The following PLCH1 variants were observed in gnomAD, a reference collection of about 807,000 sequenced individuals.
PLCH1 encodes phospholipase C eta 1, also known as 1-phosphatidylinositol 4,5-bisphosphate phosphodiesterase eta-1.
PLCH1 carries 60 observed loss-of-function variants against 126.7 expected under a neutral mutation model. That is an observed-to-expected ratio of 0.47 (90% CI 0.38 to 0.59). The LOEUF is 0.59. PLCH1 is among the 20% of genes least tolerant of loss of function. The probability of loss-of-function intolerance (pLI) is 0.00; values close to 1 mark genes in which losing one functional copy is unlikely to be tolerated. For missense variants in PLCH1, 1,723 were observed against 2,040.0 expected (o/e 0.84, Z 2.99); for synonymous variants, 719 against 734.9 (o/e 0.98, Z 0.35).
intron 2 of PLCH1, among the ~76,000 whole-genome samples, chr3:155,683,318 G>A (rs1744680394): frequency 6.6e-6 from 1 of 152,044 alleles, no homozygotes; most frequent in Non-Finnish European, 1.5e-5. Context: ...AATTTTATAG[G>A]TTAGCATAAA....
chr3:155,551,991 A>G (rs1161835910), intron 9 of PLCH1, among the ~76,000 whole-genome samples: 6 of 152,160 alleles, frequency 3.9e-5, no homozygotes. Context: ...TTTGGCTAGG[A>G]CCTGTAGAAA....
intron 6 of PLCH1, among the ~76,000 whole-genome samples, chr3:155,582,067 T>TTTTC (rs1730771498): frequency 1.4e-5 from 2 of 139,056 alleles, no homozygotes; most frequent in East Asian, 2.1e-4. Context: ...TTTCTTTTTC[T>TTTTC]TTTCTTTCTT....
chr3:155,598,333 G>A (rs1733255839), intron 2 of PLCH1, among the ~76,000 whole-genome samples: 1 of 152,176 alleles, frequency 6.6e-6, no homozygotes, highest in African/African-American at 2.4e-5. Flanking sequence ...CTACATAGTT[G>A]AATTCTTGAC....
intron 10 of PLCH1, among the ~76,000 whole-genome samples, chr3:155,528,151 G>A (rs999582159): frequency 1.1e-4 from 17 of 151,006 alleles, no homozygotes; most frequent in African/African-American, 3.9e-4. Context: ...TTGAACCCAG[G>A]AGGCGGAGGT....
At chr3:155,731,240 A>G (rs9850228) in intron 1 of PLCH1, among the ~76,000 whole-genome samples, 11,870 of 152,176 alleles carry the variant, frequency 0.078, 499 homozygotes, top group South Asian at 0.15. Context: ...ATCCCGTTGG[A>G]CCTAGGTACC....
At position 155,537,356 on chromosome 3, in the gene PLCH1, C is replaced by CA. The variant is rs544010694; in HGVS notation, c.1362+12430dup. Among the ~76,000 whole-genome samples the CA allele has an allele frequency of 3.9e-3, 587 of 150,596 alleles. 2 individuals are homozygous for CA. The highest frequency in any genetic ancestry group is 0.013 in the African/African-American group (552 of 41,018). ...ATGAAGAAAAAAAAAAGTATTCAGG[C>CA]AAAAAAAACTAGCAAAATGAATCTA... On this transcript the variant is annotated intron_variant, in intron 10 of 22. Transcript: ENST00000460012.
chr3:155,498,041 T>C (rs1358291642), intron 14 of PLCH1, among the ~76,000 whole-genome samples: 1 of 152,202 alleles, frequency 6.6e-6, no homozygotes, highest in Non-Finnish European at 1.5e-5. Flanking sequence ...ATGCCATTCT[T>C]AGTAGCATGA....
chr3:155,497,654 C>T (rs976688368), intron 14 of PLCH1, among the ~76,000 whole-genome samples: 6 of 152,116 alleles, frequency 3.9e-5, no homozygotes, highest in Non-Finnish European at 7.4e-5. Flanking sequence ...GTTTCATTTG[C>T]CCATAGTTAA....
At chr3:155,592,327 C>CAAAAA (rs11426252) in intron 4 of PLCH1, among the ~76,000 whole-genome samples, 1 of 122,798 alleles carries the variant, frequency 8.1e-6, no homozygotes, top group Non-Finnish European at 1.7e-5. Context: ...ACTAAAAATA[C>CAAAAA]AAAAAAAAAA....
At chr3:155,479,825 G>A (rs115973142), downstream of PLCH1, 1 of 152,016 alleles carries the variant, frequency 6.6e-6, no homozygotes, top group African/African-American at 2.4e-5. Flanking sequence ...AGAGTGCTGA[G>A]TGCTTTAACT....
intron 2 of PLCH1, among the ~76,000 whole-genome samples, chr3:155,641,143 C>T (rs1198351437): frequency 6.6e-6 from 1 of 151,570 alleles, no homozygotes; most frequent in African/African-American, 2.4e-5. Context: ...TACTTGAGCC[C>T]TATAGCCTCC....
chr3:155,574,831 G>C (rs926130281), intron 6 of PLCH1, among the ~76,000 whole-genome samples: 3 of 152,058 alleles, frequency 2.0e-5, no homozygotes, highest in African/African-American at 7.2e-5. Context: ...CTTTAATTGT[G>C]AATAATTAAG....
At position 155,727,149 on chromosome 3, in the gene PLCH1, A is replaced by G. The variant is rs558814702; in HGVS notation, c.-41+17691T>C. ...TTGGTTATTTTTTAAATGAGCTTGG[A>G]AAAATAAAAATAAAAAAATAAAATG... On this transcript the variant is annotated intron_variant, in intron 1 of 22. Coordinates refer to ENST00000460012, the MANE Select transcript of PLCH1 (RefSeq NM_014996.4). Among the ~76,000 whole-genome samples the G allele has an allele frequency of 5.4e-3, 821 of 151,822 alleles. 11 individuals are homozygous for G. The highest frequency in any genetic ancestry group is 0.019 in the African/African-American group (794 of 41,482).
At chr3:155,605,551 A>G (rs1213283465) in intron 2 of PLCH1, among the ~76,000 whole-genome samples, 1 of 152,216 alleles carries the variant, frequency 6.6e-6, no homozygotes, top group African/African-American at 2.4e-5. Context: ...GATGCATTAT[A>G]ATGTCATCAT....
At chr3:155,464,578 TAAAAA>T (rs57554411) in intron 21 of PLCH1, among the ~76,000 whole-genome samples, 2 of 149,608 alleles carry the variant, frequency 1.3e-5, no homozygotes, top group African/African-American at 2.4e-5. Context: ...GCAGTTCTAT[TAAAAA>T]AAAAATCAGG....
chr3:155,572,448 T>C (rs1423829081), intron 6 of PLCH1, among the ~76,000 whole-genome samples: 1 of 152,176 alleles, frequency 6.6e-6, no homozygotes, highest in East Asian at 1.9e-4. Flanking sequence ...TAGTTTTCTC[T>C]TTTTACAAGC....
At chr3:155,626,260 C>T (rs114663193) in intron 2 of PLCH1, among the ~76,000 whole-genome samples, 374 of 152,104 alleles carry the variant, frequency 2.5e-3, no homozygotes, top group African/African-American at 8.7e-3. Flanking sequence ...CCTCAGAAGC[C>T]CCCAATGTCA....
intron 1 of PLCH1, among the ~76,000 whole-genome samples, chr3:155,741,163 T>C (rs941092518): frequency 3.9e-5 from 6 of 152,334 alleles, no homozygotes; most frequent in Admixed American, 3.3e-4. Context: ...AGTACTGGAT[T>C]TCTCCTTAAA....
intron 2 of PLCH1, among the ~76,000 whole-genome samples, chr3:155,655,119 G>A (rs1016705633): frequency 6.6e-6 from 1 of 152,072 alleles, no homozygotes; most frequent in Non-Finnish European, 1.5e-5. Context: ...CTCTTATAAA[G>A]GTCTTCTTGG....
Sources: allele counts gnomAD v4.1 joint callset (sites outside exome capture counted in the v4.1 genomes callset), GRCh38; gene constraint gnomAD v4.1.1; transcripts MANE v1.5; gene names NCBI Gene and HGNC (gene_info 2026-07-23, HGNC 2026-07-21).